Variants in LRRC7 observed in about 807,000 individuals in gnomAD.
LRRC7 encodes leucine-rich repeat-containing protein 7.
LRRC7 carries 23 observed loss-of-function variants against 175.7 expected under a neutral mutation model. That is an observed-to-expected ratio of 0.13 (90% CI 0.09 to 0.19). The LOEUF (loss-of-function observed/expected upper bound fraction) is 0.19, where lower values mean the gene tolerates loss of function less well. Among genes scored for constraint, LRRC7 ranks in the 10% least tolerant of loss-of-function variants. The pLI is 1.00. For missense variants in LRRC7, 1,354 were observed against 1,904.7 expected, an observed-to-expected ratio of 0.71 and a Z score of 5.38; for synonymous variants, 685 against 680.9, an observed-to-expected ratio of 1.01 and a Z score of -0.09.
intron 15 of LRRC7, among the ~76,000 whole-genome samples, chr1:70,020,424 C>T (rs902239386): frequency 5.3e-5 from 8 of 151,892 alleles, no homozygotes; most frequent in Non-Finnish European, 8.8e-5. Context: ...AACAAGCTCC[C>T]CTCATTGACC....
intron 2 of LRRC7, among the ~76,000 whole-genome samples, chr1:69,710,944 AG>A (rs749337448): frequency 5.9e-5 from 9 of 152,156 alleles, no homozygotes; most frequent in Non-Finnish European, 1.0e-4. Flanking sequence ...TAGACTTTAA[AG>A]ACCTGCTTTT....
chr1:69,771,085 A>G (rs1222791813), intron 3 of LRRC7, among the ~76,000 whole-genome samples: 1 of 152,228 alleles, frequency 6.6e-6, no homozygotes, highest in Non-Finnish European at 1.5e-5. Context: ...ATATATGCAT[A>G]TGTGATACAT....
chr1:69,648,170 A>T (rs1300142006), intron 1 of LRRC7, among the ~76,000 whole-genome samples: 1 of 152,198 alleles, frequency 6.6e-6, no homozygotes, highest in Non-Finnish European at 1.5e-5. Flanking sequence ...TTTAAGAAAA[A>T]ATACAGACTT....
intron 7 of LRRC7, among the ~76,000 whole-genome samples, chr1:69,840,329 T>C (rs984077376): frequency 6.6e-6 from 1 of 152,034 alleles, no homozygotes; most frequent in Admixed American, 6.6e-5. Context: ...AACTTAAAGC[T>C]ACACGAGAGC....
chr1:70,034,624 C>T lies in LRRC7; in HGVS notation c.1996-1497C>T, dbSNP rs1244785. On this transcript the variant is annotated intron_variant, in intron 18 of 26. Coordinates refer to ENST00000651989, the MANE Select transcript of LRRC7 (RefSeq NM_001370785.2). ...GCTCACAGCTGAGCTCACCAGGAGG[C>T]AGCACAAGGTAAGGAAAGATCACTG... Among the ~76,000 whole-genome samples the T allele has an allele frequency of 6.1e-3, 922 of 152,214 alleles. 9 individuals carry two copies. Among genetic ancestry groups the T allele is most frequent in the African/African-American group, 0.021 (881 of 41,538 alleles).
At chr1:69,770,031 G>C (rs1245585554) in intron 3 of LRRC7, among the ~76,000 whole-genome samples, 1 of 152,126 alleles carries the variant, frequency 6.6e-6, no homozygotes, top group Non-Finnish European at 1.5e-5. Context: ...CTAGACTGCT[G>C]CTCAGAATTC....
intron 23 of LRRC7, among the ~76,000 whole-genome samples, chr1:70,073,774 C>G (rs1398268753): frequency 1.3e-5 from 2 of 152,198 alleles, no homozygotes; most frequent in South Asian, 4.1e-4. Context: ...CAGATATAAA[C>G]TTAAAAATCA....
chr1:69,575,206 C>T (rs2100891264), intron 1 of LRRC7, among the ~76,000 whole-genome samples: 1 of 152,180 alleles, frequency 6.6e-6, no homozygotes, highest in Middle Eastern at 3.4e-3. Context: ...GGAGAAATAG[C>T]AATAAAATCA....
At chr1:69,695,181 G>C in intron 2 of LRRC7, among the ~76,000 whole-genome samples, 1 of 152,292 alleles carries the variant, frequency 6.6e-6, no homozygotes, top group South Asian at 2.1e-4. Flanking sequence ...TGAGGAAATT[G>C]TTGGGAACTG....
At chr1:69,845,339 T>C (rs1682232025) in intron 7 of LRRC7, among the ~76,000 whole-genome samples, 2 of 152,268 alleles carry the variant, frequency 1.3e-5, no homozygotes, top group South Asian at 2.1e-4. Context: ...ATATGCACTG[T>C]GGTTTTTTTC....
At chr1:70,093,537 G>A (rs1404045268) in intron 25 of LRRC7, among the ~76,000 whole-genome samples, 2 of 152,084 alleles carry the variant, frequency 1.3e-5, no homozygotes, top group Non-Finnish European at 2.9e-5. Context: ...TCACTTAGCA[G>A]AAGAGCCACA....
chr1:70,044,212 A>G (rs1004950732), intron 22 of LRRC7, 118 bp downstream of exon 22: 112 of 1,027,654 alleles, frequency 1.1e-4, no homozygotes, highest in Non-Finnish European at 1.5e-4. Flanking sequence ...TATGAGTCCA[A>G]AAAGCACAAG....
chr1:69,682,015 G>A (rs772006316), intron 2 of LRRC7, among the ~76,000 whole-genome samples: 34 of 152,204 alleles, frequency 2.2e-4, no homozygotes, highest in South Asian at 1.0e-3. Flanking sequence ...TTCAACTGGG[G>A]AAATAATTCA....
chr1:69,813,220 C>T (rs1161018799), intron 4 of LRRC7, among the ~76,000 whole-genome samples: 2 of 152,060 alleles, frequency 1.3e-5, no homozygotes, highest in African/African-American at 4.8e-5. Flanking sequence ...CCTTGTGGAC[C>T]CCCTTGACAC....
chr1:70,099,501 C>G (rs1048906012), intron 25 of LRRC7, among the ~76,000 whole-genome samples: 46 of 151,130 alleles, frequency 3.0e-4, no homozygotes, highest in Non-Finnish European at 4.3e-4. Context: ...GAAATAAAGG[C>G]TATTCAATTA....
At chr1:69,849,859 C>T (rs1053032071) in intron 7 of LRRC7, among the ~76,000 whole-genome samples, 1 of 152,058 alleles carries the variant, frequency 6.6e-6, no homozygotes, top group African/African-American at 2.4e-5. Context: ...GATCATGTAC[C>T]TAATAGGTGT....
chr1:69,610,481 A>G (rs190747289), intron 1 of LRRC7, among the ~76,000 whole-genome samples: 1 of 152,100 alleles, frequency 6.6e-6, no homozygotes. Flanking sequence ...CCTGAAATTG[A>G]TGACTTCTTG....
intron 8 of LRRC7, among the ~76,000 whole-genome samples, chr1:69,933,944 A>G (rs1276844598): frequency 6.6e-6 from 1 of 152,286 alleles, no homozygotes; most frequent in African/African-American, 2.4e-5. Flanking sequence ...TTACTTTTGC[A>G]TTTGTTCTAA....
At chr1:69,877,212 GAATGACACGT>G (rs1254372836) in intron 7 of LRRC7, among the ~76,000 whole-genome samples, 1 of 151,832 alleles carries the variant, frequency 6.6e-6, no homozygotes, top group African/African-American at 2.4e-5. Context: ...TTAAGCAGCG[GAATGACACGT>G]TAGATTTGTA....
Sources: allele counts gnomAD v4.1 joint callset (sites outside exome capture counted in the v4.1 genomes callset), GRCh38; gene constraint gnomAD v4.1.1; transcripts MANE v1.5; gene names NCBI Gene and HGNC (gene_info 2026-07-23, HGNC 2026-07-21).